ATL1: variants seen among roughly 807,000 people sequenced by gnomAD.
ATL1 encodes atlastin GTPase 1.
Under a neutral mutation model 75.5 loss-of-function variants are expected in ATL1, and 31 were observed. That is an observed-to-expected ratio of 0.41 (90% CI 0.31 to 0.55). The LOEUF is 0.55. Among genes scored for constraint, ATL1 ranks in the 20% least tolerant of loss-of-function variants. ATL1 has a pLI of 0.27. For missense variants in ATL1, 405 were observed against 662.6 expected (o/e 0.61, Z 4.27); for synonymous variants, 226 against 233.3 (o/e 0.97, Z 0.28).
chr14:50,593,428 A>G (rs1166484680), intron 4 of ATL1, among the ~76,000 whole-genome samples: 2 of 152,192 alleles, frequency 1.3e-5, no homozygotes, highest in Non-Finnish European at 2.9e-5. Context: ...CTTCCATGTG[A>G]TGAAACTCTG....
chr14:50,609,469 T>TTAGAG (rs1329146423), intron 6 of ATL1, among the ~76,000 whole-genome samples: 1 of 151,974 alleles, frequency 6.6e-6, no homozygotes. Context: ...TGTGTATGTA[T>TTAGAG]TAGAGCATTG....
At chr14:50,533,523 A>G (rs1595560128) in intron 1 of ATL1, among the ~76,000 whole-genome samples, 1 of 152,202 alleles carries the variant, frequency 6.6e-6, no homozygotes, top group African/African-American at 2.4e-5. Flanking sequence ...ATATTTCACA[A>G]GCTGTTTTGC....
intron 6 of ATL1, among the ~76,000 whole-genome samples, chr14:50,601,858 CATGGCTGTATGTA>C (rs2039274780): frequency 6.6e-6 from 1 of 152,176 alleles, no homozygotes; most frequent in Non-Finnish European, 1.5e-5. Flanking sequence ...TTAATTTAAA[CATGGCTGTATGTA>C]ATAACTGTGC....
At chr14:50,618,041 T>G (rs1238913167) in intron 8 of ATL1, among the ~76,000 whole-genome samples, 2 of 152,242 alleles carry the variant, frequency 1.3e-5, no homozygotes, top group Non-Finnish European at 2.9e-5. Context: ...TTACCACACT[T>G]GCTGGTGCAT....
chr14:50,631,894 C>A (rs2291673), intron 13 of ATL1, among the ~76,000 whole-genome samples: 36 of 152,272 alleles, frequency 2.4e-4, no homozygotes, highest in Non-Finnish European at 4.7e-4. Flanking sequence ...TGAGGTCTTA[C>A]AATTCATCTA....
intron 1 of ATL1, among the ~76,000 whole-genome samples, chr14:50,570,313 G>C (rs1483287199): frequency 6.6e-6 from 1 of 151,392 alleles, no homozygotes; most frequent in African/African-American, 2.4e-5. Context: ...TTTTTTGTCT[G>C]CTCAAATCTG....
chr14:50,616,129 G>A (rs1260856494), intron 8 of ATL1, among the ~76,000 whole-genome samples: 1 of 151,872 alleles, frequency 6.6e-6, no homozygotes, highest in Non-Finnish European at 1.5e-5. Flanking sequence ...AAGTAGCTAG[G>A]ACTAAAGGCA....
chr14:50,587,723 A>T, intron 1 of ATL1, 108 bp from the exon 2 acceptor site: 1 of 1,455,806 alleles, frequency 6.9e-7, no homozygotes, highest in Non-Finnish European at 9.5e-7. Context: ...ATGAGCATTT[A>T]TAATTCCAGT....
At chr14:50,591,732 G>A in intron 4 of ATL1, 93 bp downstream of exon 4, 1 of 893,982 alleles carries the variant, frequency 1.1e-6, no homozygotes, top group Non-Finnish European at 1.8e-6. Context: ...ATAAACAACA[G>A]AAATTGGGAA....
At chr14:50,554,110 T>A (rs200064971) in intron 1 of ATL1, among the ~76,000 whole-genome samples, 1 of 112,502 alleles carries the variant, frequency 8.9e-6, no homozygotes, top group Non-Finnish European at 1.8e-5. Flanking sequence ...TTTTAAAAAG[T>A]TTTTTTTTTT....
intron 6 of ATL1, among the ~76,000 whole-genome samples, chr14:50,606,783 C>T (rs768420856): frequency 5.3e-5 from 8 of 151,890 alleles, no homozygotes; most frequent in South Asian, 2.1e-4. Flanking sequence ...AACAAAAACA[C>T]GTGAGACAAG....
intron 1 of ATL1, among the ~76,000 whole-genome samples, chr14:50,568,116 G>A (rs1029478574): frequency 2.6e-5 from 4 of 152,120 alleles, no homozygotes; most frequent in African/African-American, 9.7e-5. Flanking sequence ...TGTTAGTATA[G>A]AACTATTTCT....
intron 1 of ATL1, among the ~76,000 whole-genome samples, chr14:50,547,351 C>T (rs1566708036): frequency 3.9e-5 from 6 of 152,088 alleles, no homozygotes; most frequent in Admixed American, 3.9e-4. Context: ...TAATAGAGGG[C>T]ATTGGTTGTA....
intron 1 of ATL1, among the ~76,000 whole-genome samples, chr14:50,561,987 T>A (rs1053985523): frequency 2.0e-5 from 3 of 152,176 alleles, no homozygotes; most frequent in South Asian, 4.1e-4. Flanking sequence ...TTCTGAGGAT[T>A]AAAATTTTTC....
At chr14:50,587,791 T>C in intron 1 of ATL1, 40 bp from the exon 2 acceptor site, 1 of 1,613,752 alleles carries the variant, frequency 6.2e-7, no homozygotes, top group Non-Finnish European at 8.5e-7. Context: ...CTTGGCACTT[T>C]GAGATGATTA....
At chr14:50,625,858 C>T (rs1595623470) in intron 11 of ATL1, among the ~76,000 whole-genome samples, 2 of 148,814 alleles carry the variant, frequency 1.3e-5, no homozygotes, top group Non-Finnish European at 1.5e-5. Flanking sequence ...TGCAATGAGT[C>T]GAGATCACAC....
rs564846551 is a variant in ATL1, at chr14:50,625,287, T to C, written c.1119+2039T>C. Among the ~76,000 whole-genome samples the C allele has an allele frequency of 4.6e-5, 7 of 152,212 alleles. No homozygotes were observed. In the South Asian group the frequency reaches 1.5e-3, roughly 32 times the overall value. On this transcript the variant is annotated intron_variant, in intron 11 of 13. Coordinates refer to ENST00000358385, the MANE Select transcript of ATL1 (RefSeq NM_015915.5). ...AGTTGGTAAAGATGCAGAAGAAAAG[T>C]TGGAAGCTAGCAGAGGTTTTTGGTT...
At chr14:50,539,137 A>G (rs181975608) in intron 1 of ATL1, among the ~76,000 whole-genome samples, 36 of 152,356 alleles carry the variant, frequency 2.4e-4, no homozygotes, top group African/African-American at 8.7e-4. Context: ...ATATCTGATG[A>G]TTACTTGTAT....
intron 1 of ATL1, among the ~76,000 whole-genome samples, chr14:50,587,378 C>G (rs1038562729): frequency 3.9e-5 from 6 of 152,090 alleles, no homozygotes; most frequent in Non-Finnish European, 7.4e-5. Context: ...TAAAATATGT[C>G]ATTAAAACAA....
Sources: gnomAD v4.1 joint callset for allele counts (sites outside exome capture counted in the v4.1 genomes callset) on GRCh38, gnomAD v4.1.1 for gene constraint, MANE v1.5 for transcripts, NCBI Gene and HGNC (gene_info 2026-07-23, HGNC 2026-07-21) for gene names.